The following LEPROTL1 variants were observed in gnomAD, a reference collection of about 807,000 sequenced individuals.
LEPROTL1 encodes the protein leptin receptor overlapping transcript like 1.
In LEPROTL1, 6 loss-of-function variants were observed where a neutral mutation model predicts 15.4. The ratio of observed to expected loss-of-function variants is 0.39; its 90% CI spans 0.21 to 0.77. The LOEUF (loss-of-function observed/expected upper bound fraction) is 0.77, where lower values mean the gene tolerates loss of function less well. Ranked by LOEUF, LEPROTL1 falls within the 30% of genes least tolerant of loss-of-function variation. The probability of loss-of-function intolerance (pLI) is 0.41; values close to 1 mark genes in which losing one functional copy is unlikely to be tolerated. For missense variants in LEPROTL1, 128 were observed against 158.1 expected, an observed-to-expected ratio of 0.81 and a Z score of 1.02; for synonymous variants, 56 against 52.6, an observed-to-expected ratio of 1.06 and a Z score of -0.28.
chr8:30,133,807 A>G (rs1803079806), intron 4 of LEPROTL1, among the ~76,000 whole-genome samples: 1 of 144,112 alleles, frequency 6.9e-6, no homozygotes, highest in Non-Finnish European at 1.5e-5. Context: ...AAAAAAAAAG[A>G]AAGAGAAAAG....
At chr8:30,105,274 C>G (rs1009593049) in intron 3 of LEPROTL1, among the ~76,000 whole-genome samples, 13 of 152,056 alleles carry the variant, frequency 8.5e-5, no homozygotes, top group Admixed American at 6.6e-5. Context: ...CCCACCCCTT[C>G]AAAAGAATGT....
chr8:30,100,586 A>G (rs900623798), intron 1 of LEPROTL1, among the ~76,000 whole-genome samples: 1 of 152,186 alleles, frequency 6.6e-6, no homozygotes, highest in African/African-American at 2.4e-5. Flanking sequence ...AGTAGCTGGG[A>G]CTACAGGCAT....
At position 30,106,679 on chromosome 8, in the gene LEPROTL1, A is replaced by G; in HGVS notation, c.*817A>G. On this transcript the variant is annotated 3_prime_UTR_variant, in exon 4 of 4. Transcript: ENST00000321250. Reference sequence around the variant, plus strand: ...ATGACATTGAAATTCCAGTTTTTGAATCCTGTTTCTATTTATAAGTGAAAT... The same window carrying G: ...ATGACATTGAAATTCCAGTTTTTGAGTCCTGTTTCTATTTATAAGTGAAAT... 1 of 983,610 alleles carries G rather than the reference A, an allele frequency of 1.0e-6. No individual in the cohort carries two copies. The highest frequency in any genetic ancestry group is 1.2e-6 in the Non-Finnish European group (1 of 828,046). 60.9% of individuals were successfully genotyped at this position (983,610 alleles called of 1,614,324 possible).
intron 4 of LEPROTL1, chr8:30,137,155 G>C (rs1472980080): frequency 5.0e-6 from 4 of 805,940 alleles, no homozygotes; most frequent in Non-Finnish European, 8.0e-6. Context: ...ACCAGAGAGA[G>C]CCAGGAACAT....
chr8:30,095,503 C>T lies in LEPROTL1; in HGVS notation c.-10C>T. The T allele has an allele frequency of 3.4e-6, 5 of 1,460,694 alleles. No individual in the cohort carries two copies. Among genetic ancestry groups the T allele is most frequent in the Non-Finnish European group, 4.5e-6 (5 of 1,110,224 alleles). 90.5% of individuals were successfully genotyped at this position (1,460,694 alleles called of 1,614,324 possible). A position where few individuals can be genotyped will look rare whatever the true frequency, so the allele number is the denominator to read the frequency against. ...CCTCGGGTCGTGGAGCCAGGAGCGA[C>T]GTCACCGCCATGGCAGGCATCAAAG... On this transcript the variant is annotated 5_prime_UTR_variant, in exon 1 of 4. In the 5' UTR this introduces an upstream ATG that the reference lacks. Transcript: ENST00000321250.
At chr8:30,128,508 T>C (rs1222256575) in intron 3 of LEPROTL1, among the ~76,000 whole-genome samples, 1 of 152,118 alleles carries the variant, frequency 6.6e-6, no homozygotes, top group Admixed American at 6.6e-5. Flanking sequence ...CTCAGCATTT[T>C]GGAAGGCCAA....
At chr8:30,100,667 T>C (rs1472687476) in intron 1 of LEPROTL1, among the ~76,000 whole-genome samples, 2 of 152,200 alleles carry the variant, frequency 1.3e-5, no homozygotes, top group East Asian at 3.8e-4. Context: ...ACCAGGCTGG[T>C]CTCAAACCCC....
At chr8:30,099,885 G>A (rs149315778) in intron 1 of LEPROTL1, among the ~76,000 whole-genome samples, 2 of 152,354 alleles carry the variant, frequency 1.3e-5, no homozygotes, top group African/African-American at 4.8e-5. Flanking sequence ...TATAACTGAA[G>A]TGAGGGTTCA....
At chr8:30,124,777 A>T (rs1802882405) in intron 3 of LEPROTL1, among the ~76,000 whole-genome samples, 2 of 152,218 alleles carry the variant, frequency 1.3e-5, no homozygotes, top group Admixed American at 6.5e-5. Flanking sequence ...TAGGGAGGAA[A>T]TTACCTTTGC....
chr8:30,096,148 C>A, intron 1 of LEPROTL1: 1 of 375,542 alleles, frequency 2.7e-6, no homozygotes, highest in Non-Finnish European at 3.7e-6. Context: ...TCTCTTCCCT[C>A]TCCGCAGTTG....
intron 3 of LEPROTL1, among the ~76,000 whole-genome samples, chr8:30,121,420 T>G (rs1802828810): frequency 6.6e-6 from 1 of 151,996 alleles, no homozygotes. Context: ...GCCAGGCTAA[T>G]TTTTTGTATT....
intron 1 of LEPROTL1, among the ~76,000 whole-genome samples, chr8:30,100,040 G>A (rs1258408571): frequency 6.6e-6 from 1 of 152,204 alleles, no homozygotes; most frequent in African/African-American, 2.4e-5. Flanking sequence ...TAAACTTGAA[G>A]TGCCTCGTTT....
At position 30,116,557 on chromosome 8, in the gene LEPROTL1, G is replaced by A. The variant is rs140369766; in HGVS notation, c.279+12071G>A. ...AGGTGGAGCTCAGGTAGTAATGCTC[G>A]CTCACCAGCTGCTTACCTCCTGCTC... On this transcript the variant is annotated intron_variant, in intron 3 of 4. Coordinates refer to the LEPROTL1 transcript ENST00000442880. Among the ~76,000 whole-genome samples, 419 of 152,154 alleles carry A rather than the reference G, an allele frequency of 2.8e-3. 4 individuals are homozygous for A. The highest frequency in any genetic ancestry group is 9.4e-3 in the African/African-American group (391 of 41,492).
intron 1 of LEPROTL1, 127 bp downstream of exon 1, chr8:30,095,655 G>A (rs1355897834): frequency 2.5e-6 from 2 of 794,204 alleles, no homozygotes; most frequent in African/African-American, 1.8e-5. Flanking sequence ...CGCCGGGGAA[G>A]CGACCCCCGC....
intron 3 of LEPROTL1, among the ~76,000 whole-genome samples, chr8:30,126,892 T>C (rs1007127652): frequency 6.6e-6 from 1 of 152,100 alleles, no homozygotes; most frequent in Admixed American, 6.6e-5. Context: ...ACAAAAAAAT[T>C]AGCTGGATAT....
Position 30,106,874 on chromosome 8 carries a change from T to C in LEPROTL1, c.*1012T>C. The C allele has an allele frequency of 1.0e-6, 1 of 983,334 alleles. No homozygotes were observed. The highest frequency in any genetic ancestry group is 1.2e-6 in the Non-Finnish European group (1 of 827,640). The allele number at this position is 983,334 out of a possible 1,614,324, so 60.9% of individuals were successfully genotyped here. A position where few individuals can be genotyped will look rare whatever the true frequency, so the allele number is the denominator to read the frequency against. ...TTGTATATATTACATAAAATAACTT[T>C]TCAAATATAGTTTAATAACACTTAG... is the stretch of plus-strand genomic sequence containing the variant. On this transcript the variant is annotated 3_prime_UTR_variant, in exon 4 of 4. Transcript: ENST00000321250.
At chr8:30,127,253 CCCT>C (rs1220226746) in intron 3 of LEPROTL1, among the ~76,000 whole-genome samples, 1 of 152,160 alleles carries the variant, frequency 6.6e-6, no homozygotes, top group Non-Finnish European at 1.5e-5. Context: ...GCTTAGCTTA[CCCT>C]CCTCTTAGGG....
At chr8:30,108,858 C>T (rs571277041), downstream of LEPROTL1, among the ~76,000 whole-genome samples, 3 of 152,202 alleles carry the variant, frequency 2.0e-5, no homozygotes, top group East Asian at 5.8e-4. Flanking sequence ...AAACTCCTGG[C>T]CTCAAGTTAT....
At chr8:30,128,365 A>T (rs967369247) in intron 3 of LEPROTL1, among the ~76,000 whole-genome samples, 1 of 152,204 alleles carries the variant, frequency 6.6e-6, no homozygotes, top group Non-Finnish European at 1.5e-5. Flanking sequence ...TGGAGGCCAG[A>T]TTGCATTTTA....
Sources: allele counts gnomAD v4.1 joint callset (sites outside exome capture counted in the v4.1 genomes callset), GRCh38; gene constraint gnomAD v4.1.1; transcripts MANE v1.5; gene names NCBI Gene and HGNC (gene_info 2026-07-23, HGNC 2026-07-21).